Variants in SEC22A observed in about 807,000 individuals in gnomAD.
SEC22A encodes SEC22 homolog A, vesicle trafficking protein.
A neutral mutation model predicts 35.3 loss-of-function variants in SEC22A; 22 were observed. The ratio of observed to expected loss-of-function variants is 0.62; its 90% CI spans 0.45 to 0.89. SEC22A has a LOEUF of 0.89. Among genes scored for constraint, SEC22A ranks in the 40% least tolerant of loss-of-function variants. The probability of loss-of-function intolerance (pLI) is 0.00; values close to 1 mark genes in which losing one functional copy is unlikely to be tolerated. For missense variants in SEC22A, 354 were observed against 362.5 expected, an observed-to-expected ratio of 0.98 and a Z score of 0.19; for synonymous variants, 119 against 129.5, an observed-to-expected ratio of 0.92 and a Z score of 0.55.
chr3:123,213,112 T>C (rs1285948977), intron 2 of SEC22A, among the ~76,000 whole-genome samples: 1 of 152,174 alleles, frequency 6.6e-6, no homozygotes, highest in East Asian at 1.9e-4. Context: ...TAGAAAAATG[T>C]CTATGCATGT....
intron 4 of SEC22A, among the ~76,000 whole-genome samples, chr3:123,243,298 A>G (rs1318755687): frequency 6.6e-6 from 1 of 152,132 alleles, no homozygotes; most frequent in African/African-American, 2.4e-5. Context: ...TATAGTGCCT[A>G]CTGCATTGGG....
At chr3:123,245,691 A>AT (rs1282499896) in intron 4 of SEC22A, among the ~76,000 whole-genome samples, 4 of 152,144 alleles carry the variant, frequency 2.6e-5, no homozygotes, top group South Asian at 2.1e-4. Context: ...AAAGAGAAAA[A>AT]TAAGTTAATT....
chr3:123,257,682 G>A (rs570655392), intron 5 of SEC22A, among the ~76,000 whole-genome samples: 26 of 151,908 alleles, frequency 1.7e-4, no homozygotes, highest in African/African-American at 6.3e-4. Context: ...CTGGGTGATA[G>A]AACGAGACTC....
intron 2 of SEC22A, among the ~76,000 whole-genome samples, chr3:123,219,981 CATA>C (rs1244955862): frequency 6.6e-6 from 1 of 152,104 alleles, no homozygotes; most frequent in African/African-American, 2.4e-5. Flanking sequence ...TATGAAAAGC[CATA>C]ATGTTATAGA....
At chr3:123,249,314 C>G (rs902702551) in intron 5 of SEC22A, among the ~76,000 whole-genome samples, 3 of 151,900 alleles carry the variant, frequency 2.0e-5, no homozygotes, top group Admixed American at 2.0e-4. Flanking sequence ...ATTATTAATT[C>G]ATTCTCTAGT....
intron 4 of SEC22A, among the ~76,000 whole-genome samples, chr3:123,244,925 G>A (rs1240443035): frequency 6.6e-6 from 1 of 152,102 alleles, no homozygotes; most frequent in African/African-American, 2.4e-5. Context: ...ATGATGAAGG[G>A]AAGCTATTGT....
chr3:123,233,309 C>T (rs757355764), intron 4 of SEC22A, among the ~76,000 whole-genome samples: 1 of 152,170 alleles, frequency 6.6e-6, no homozygotes, highest in African/African-American at 2.4e-5. Context: ...TAACATGCTG[C>T]ACAGGTTTGT....
chr3:123,212,530 T>A (rs1330564892), intron 2 of SEC22A, among the ~76,000 whole-genome samples: 1 of 152,156 alleles, frequency 6.6e-6, no homozygotes, highest in Non-Finnish European at 1.5e-5. Context: ...CTTAAACTTT[T>A]GCAATTTTTT....
Position 123,233,065 on chromosome 3 carries a change from G to A in SEC22A, c.541+7768G>A, listed in dbSNP as rs148469988. The stretch of plus-strand genomic sequence containing the variant: ...GAATCATTTGAGCCCAGGAGTTTGA[G>A]GCTGCAGTGAGTAATGATGACACCA... On this transcript the variant is annotated intron_variant, in intron 4 of 6. Transcript: ENST00000492595. 2.7e-3 allele frequency among the ~76,000 whole-genome samples: 406 copies of A among 152,246 alleles called. 4 individuals are homozygous for A. The highest frequency in any genetic ancestry group is 9.0e-3 in the African/African-American group (376 of 41,550).
intron 5 of SEC22A, among the ~76,000 whole-genome samples, chr3:123,255,983 C>T (rs1048761427): frequency 6.6e-6 from 1 of 150,728 alleles, no homozygotes; most frequent in African/African-American, 2.4e-5. Context: ...TCAGTTTATT[C>T]CAAAATTGAA....
At chr3:123,206,136 T>G (rs574640715) in intron 1 of SEC22A, among the ~76,000 whole-genome samples, 5 of 152,244 alleles carry the variant, frequency 3.3e-5, no homozygotes, top group African/African-American at 1.2e-4. Flanking sequence ...TGAGACAGGA[T>G]CTCTCTCATC....
intron 2 of SEC22A, among the ~76,000 whole-genome samples, chr3:123,213,907 G>A (rs1331783322): frequency 1.3e-5 from 2 of 152,116 alleles, no homozygotes; most frequent in Non-Finnish European, 2.9e-5. Context: ...AATTAGGCTG[G>A]GTCTGGTGGC....
intron 4 of SEC22A, among the ~76,000 whole-genome samples, chr3:123,242,513 T>TG (rs397740697): frequency 6.6e-6 from 1 of 151,544 alleles, no homozygotes; most frequent in Non-Finnish European, 1.5e-5. Context: ...TTTTTTTTTT[T>TG]AATTTTAGCT....
At chr3:123,267,062 A>G (rs1291895848) in intron 6 of SEC22A, among the ~76,000 whole-genome samples, 2 of 152,070 alleles carry the variant, frequency 1.3e-5, no homozygotes, top group Non-Finnish European at 2.9e-5. Flanking sequence ...TCTGGTATCA[A>G]TATAGCCACT....
chr3:123,259,422 T>G, intron 5 of SEC22A, 102 bp from the exon 6 acceptor site: 2 of 799,810 alleles, frequency 2.5e-6, no homozygotes, highest in South Asian at 3.2e-5. Context: ...TGTGTGACAA[T>G]TTTGACTGTT....
Position 123,269,211 on chromosome 3 carries a change from G to A in SEC22A, c.724-2311G>A, listed in dbSNP as rs1433310828. On this transcript the variant is annotated intron_variant, in intron 6 of 6. Coordinates refer to ENST00000492595, the MANE Select transcript of SEC22A (RefSeq NM_012430.5). Reference sequence around the variant, plus strand: ...TGTGTGTGTGTGTGTGTGTGTGTGTGTGTGTATATATTACTGGAAATGCTA... The same window carrying A: ...TGTGTGTGTGTGTGTGTGTGTGTGTATGTGTATATATTACTGGAAATGCTA... 7.4e-4 allele frequency among the ~76,000 whole-genome samples: 82 copies of A among 110,520 alleles called. 1 individual carries two copies. The highest frequency in any genetic ancestry group is 9.5e-3 in the Middle Eastern group (2 of 210). 72.5% of individuals were successfully genotyped at this position (110,520 alleles called of 152,430 possible).
chr3:123,267,570 A>AT (rs922046532), intron 6 of SEC22A, among the ~76,000 whole-genome samples: 11 of 151,488 alleles, frequency 7.3e-5, no homozygotes, highest in East Asian at 3.9e-4. Flanking sequence ...TGTTATAATG[A>AT]TTTTTTTTTA....
chr3:123,252,128 A>G lies in SEC22A; in HGVS notation c.657+6114A>G, dbSNP rs188505356. Among the ~76,000 whole-genome samples the G allele has an allele frequency of 1.5e-4, 23 of 152,290 alleles. No individual in the cohort carries two copies. In the East Asian group the frequency reaches 4.0e-3, roughly 27 times the overall value. On this transcript the variant is annotated intron_variant, in intron 5 of 6. Coordinates refer to ENST00000492595, the MANE Select transcript of SEC22A (RefSeq NM_012430.5). ...GGGAACCTGAGGTCTCTTACTTTTA[A>G]TTTTCCCTTATTGAAGTTTTATCAT...
chr3:123,208,048 G>A lies in SEC22A; in HGVS notation c.-19-1151G>A, dbSNP rs192265989. ...TAGAGGTGAGCATATTCTTAATTTG[G>A]CATCTTTTTCTGCATCCGTTTTTCA... On this transcript the variant is annotated intron_variant, in intron 1 of 6. Transcript: ENST00000492595. Among the ~76,000 whole-genome samples, 20 of 152,040 alleles carry A rather than the reference G, an allele frequency of 1.3e-4. No homozygotes were observed. In the East Asian group the frequency reaches 3.5e-3, roughly 26 times the overall value.
Sources: allele counts gnomAD v4.1 joint callset (sites outside exome capture counted in the v4.1 genomes callset), GRCh38; gene constraint gnomAD v4.1.1; transcripts MANE v1.5; gene names NCBI Gene and HGNC (gene_info 2026-07-23, HGNC 2026-07-21).